G2E3: variants seen among roughly 807,000 people sequenced by gnomAD.
The protein encoded by G2E3 is G2/M phase-specific E3 ubiquitin-protein ligase.
G2E3 carries 35 observed loss-of-function variants against 92.8 expected under a neutral mutation model. The observed-to-expected ratio is 0.38, with a 90% CI of 0.29 to 0.50. The LOEUF (loss-of-function observed/expected upper bound fraction) is 0.50, where lower values mean the gene tolerates loss of function less well. Among genes scored for constraint, G2E3 ranks in the 20% least tolerant of loss-of-function variants. The pLI is 0.94. For missense variants in G2E3, 554 were observed against 823.8 expected, an observed-to-expected ratio of 0.67 and a Z score of 4.01; for synonymous variants, 242 against 272.4, an observed-to-expected ratio of 0.89 and a Z score of 1.10.
At position 30,618,093 on chromosome 14, in the gene G2E3, C is replaced by T. The variant is rs543860309; in HGVS notation, c.*1559C>T. 67 of 151,996 alleles carry T rather than the reference C, an allele frequency of 4.4e-4. No individual in the cohort carries two copies. The highest frequency in any genetic ancestry group is 1.6e-3 in the African/African-American group (65 of 41,520). 9.4% of individuals were successfully genotyped at this position (151,996 alleles called of 1,614,324 possible). On this transcript the variant is annotated 3_prime_UTR_variant, in exon 15 of 15. Coordinates refer to ENST00000206595, the MANE Select transcript of G2E3 (RefSeq NM_017769.5). ...AAAGAGATAATATATCTCTTAATAC[C>T]AAAGGAAAACTAAAACATAATTCTA...
intron 2 of G2E3, among the ~76,000 whole-genome samples, chr14:30,582,163 T>C (rs1301994552): frequency 6.6e-6 from 1 of 152,224 alleles, no homozygotes. Context: ...ACACATCTAC[T>C]ATTGATACTT....
intron 2 of G2E3, 70 bp downstream of exon 2, chr14:30,581,186 T>C (rs1397409770): frequency 1.8e-5 from 15 of 812,366 alleles, no homozygotes; most frequent in Non-Finnish European, 2.8e-5. Flanking sequence ...ACATTAGGAC[T>C]GAAGAGGAAT....
At chr14:30,559,949 A>G (rs938639119) in intron 1 of G2E3, 1 of 152,116 alleles carries the variant, frequency 6.6e-6, no homozygotes, top group African/African-American at 2.4e-5. Flanking sequence ...GGTGGTGATT[A>G]ACTAGGGTCT....
In G2E3 at chr14:30,581,125, CT is replaced by C; in HGVS notation, c.37+10del. ...TGACTCACAGAACCTTGGTAAGTAA[CT>C]GTATTTAAAATAATTTTATTACAAT... On this transcript the variant is annotated intron_variant, in intron 2 of 14. Transcript: ENST00000206595. The C allele has an allele frequency of 7.1e-7, 1 of 1,414,654 alleles. No individual in the cohort carries two copies. The highest frequency in any genetic ancestry group is 1.0e-6 in the Non-Finnish European group (1 of 1,001,706). 87.6% of individuals were successfully genotyped at this position (1,414,654 alleles called of 1,614,324 possible).
intron 1 of G2E3, chr14:30,577,733 T>G (rs966278256): frequency 1.3e-5 from 2 of 152,230 alleles, no homozygotes; most frequent in African/African-American, 4.8e-5. Context: ...GCCACAGTCT[T>G]TTTTGTTGAA....
rs772252500 is a variant in G2E3 at position 30,615,466 on chromosome 14, G to C, written c.1791G>C (p.Glu597Asp). ...GTCTTTCTGCAAAAATCCTTAGTGA[G>C]CTTTTTACAGTACACACATTACCTG... The part of the protein sequence containing the change: ...PESLSAKILS[E>D]LFTVHTLPDV... Residue 597 changes from glutamate (E) to aspartate (D), a missense_variant, in exon 14 of 15, where the codon GAG (glutamate) becomes GAC (aspartate). This residue lies in a region of G2E3 where 397 missense variants were observed against 560.3 expected (regional missense o/e 0.71). Transcript: ENST00000206595. 6.2e-7 allele frequency: 1 copy of C among 1,612,164 alleles called. No homozygotes were observed. Among genetic ancestry groups the C allele is most frequent in the Non-Finnish European group, 8.5e-7 (1 of 1,178,758 alleles).
intron 1 of G2E3, among the ~76,000 whole-genome samples, chr14:30,570,991 T>C (rs1879727877): frequency 6.6e-6 from 1 of 152,140 alleles, no homozygotes; most frequent in African/African-American, 2.4e-5. Flanking sequence ...ACAGTTTATC[T>C]TTTTTTGTCT....
intron 4 of G2E3, 87 bp from the exon 5 acceptor site, chr14:30,592,236 C>G (rs888688378): frequency 1.7e-6 from 2 of 1,151,458 alleles, no homozygotes; most frequent in South Asian, 2.6e-5. Flanking sequence ...TTCAGATTCC[C>G]CACCAGGAGT....
intron 14 of G2E3, 45 bp from the exon 15 acceptor site, chr14:30,616,233 A>T (rs1330452143): frequency 7.8e-7 from 1 of 1,285,522 alleles, no homozygotes; most frequent in Admixed American, 1.8e-5. Context: ...TATAACATGG[A>T]TTTACTTTTG....
intron 5 of G2E3, among the ~76,000 whole-genome samples, chr14:30,592,651 C>G (rs1404779967): frequency 6.6e-6 from 1 of 150,532 alleles, no homozygotes; most frequent in East Asian, 2.0e-4. Context: ...TAGGATGGAC[C>G]TAATGATTAG....
intron 13 of G2E3, among the ~76,000 whole-genome samples, chr14:30,614,880 C>G (rs1566554720): frequency 4.6e-5 from 7 of 152,078 alleles, no homozygotes. Flanking sequence ...AATTTTCTGT[C>G]ATATAAAATA....
chr14:30,577,069 A>G (rs1880139798), intron 1 of G2E3, among the ~76,000 whole-genome samples: 1 of 152,016 alleles, frequency 6.6e-6, no homozygotes, highest in Admixed American at 6.6e-5. Flanking sequence ...TACTAAAAAT[A>G]CAAAAATTAG....
chr14:30,610,295 G>C (rs930654086), intron 12 of G2E3, among the ~76,000 whole-genome samples: 1 of 152,146 alleles, frequency 6.6e-6, no homozygotes, highest in Non-Finnish European at 1.5e-5. Context: ...ATGCCATCAC[G>C]TAGTAAAATG....
rs1882431063 is a variant in G2E3 at position 30,618,736 on chromosome 14, T to G, written c.*2202T>G. 1 of 152,108 alleles carries G rather than the reference T, an allele frequency of 6.6e-6. No individual in the cohort carries two copies. The highest frequency in any genetic ancestry group is 1.5e-5 in the Non-Finnish European group (1 of 67,940). The allele number at this position is 152,108 out of a possible 1,614,324, so 9.4% of individuals were successfully genotyped here. ...CATTATTACCATTTTTAGATTAATC[T>G]GTATGGTCAAGGAATATCAGAGAAA... On this transcript the variant is annotated 3_prime_UTR_variant, in exon 15 of 15. Transcript: ENST00000206595.
chr14:30,578,971 A>T (rs1880276087), intron 1 of G2E3, among the ~76,000 whole-genome samples: 1 of 152,130 alleles, frequency 6.6e-6, no homozygotes, highest in Non-Finnish European at 1.5e-5. Flanking sequence ...AAAAATATGG[A>T]TCTGTTTCTG....
intron 13 of G2E3, 68 bp downstream of exon 13, chr14:30,612,447 T>G: frequency 1.0e-6 from 1 of 963,884 alleles, no homozygotes; most frequent in South Asian, 1.8e-5. Context: ...TATCTTGTAA[T>G]GTGAGATATA....
chr14:30,563,692 CTTTT>C (rs1208705225), intron 1 of G2E3, among the ~76,000 whole-genome samples: 76 of 113,068 alleles, frequency 6.7e-4, no homozygotes, highest in African/African-American at 2.8e-3. Flanking sequence ...AACTTTGTTA[CTTTT>C]GTGTGTGTGT....
chr14:30,591,216 A>C (rs1422824761), intron 4 of G2E3, among the ~76,000 whole-genome samples: 1 of 152,116 alleles, frequency 6.6e-6, no homozygotes, highest in African/African-American at 2.4e-5. Flanking sequence ...GTTGGCAGGT[A>C]TTCTCCAGTG....
intron 3 of G2E3, among the ~76,000 whole-genome samples, chr14:30,587,888 T>C (rs1020733045): frequency 6.6e-6 from 1 of 152,192 alleles, no homozygotes; most frequent in African/African-American, 2.4e-5. Context: ...AATCATTAAG[T>C]CTAGTAGCCC....
Sources: gnomAD v4.1 joint callset for allele counts (sites outside exome capture counted in the v4.1 genomes callset) on GRCh38, gnomAD v4.1.1 for gene constraint, gnomAD v4.1.1 regional missense constraint, MANE v1.5 for transcripts, NCBI Gene and HGNC (gene_info 2026-07-23, HGNC 2026-07-21) for gene names.